Variants in RBFOX1 observed in about 807,000 individuals in gnomAD.
RBFOX1 encodes the protein RNA binding fox-1 homolog 1.
In RBFOX1, 8 loss-of-function variants were observed where a neutral mutation model predicts 57.7. The observed-to-expected ratio is 0.14, with a 90% CI of 0.08 to 0.25. The LOEUF is 0.25. Ranked by LOEUF, RBFOX1 falls within the 10% of genes least tolerant of loss-of-function variation. The pLI, the probability that RBFOX1 is intolerant of heterozygous loss-of-function variation, is 1.00. For missense variants in RBFOX1, 611 were observed against 548.5 expected, an observed-to-expected ratio of 1.11 and a Z score of -1.14; for synonymous variants, 326 against 222.4, an observed-to-expected ratio of 1.47 and a Z score of -4.15.
chr16:7,184,537 A>G (rs764826580), intron 4 of RBFOX1, among the ~76,000 whole-genome samples: 1 of 152,202 alleles, frequency 6.6e-6, no homozygotes, highest in African/African-American at 2.4e-5. Context: ...TAGCCAAGTG[A>G]TTGAAGTATG....
intron 1 of RBFOX1, among the ~76,000 whole-genome samples, chr16:6,182,470 GT>G (rs1235833950): frequency 6.6e-6 from 1 of 152,062 alleles, no homozygotes; most frequent in African/African-American, 2.4e-5. Context: ...ATATGCATTT[GT>G]TTTTTATTGT....
intron 3 of RBFOX1, among the ~76,000 whole-genome samples, chr16:6,671,228 T>C (rs1190959036): frequency 6.6e-6 from 1 of 152,222 alleles, no homozygotes; most frequent in East Asian, 1.9e-4. Flanking sequence ...ACAACCTAAA[T>C]GCTTAATCTT....
chr16:6,233,350 C>T (rs563736377), intron 1 of RBFOX1, among the ~76,000 whole-genome samples: 1 of 152,068 alleles, frequency 6.6e-6, no homozygotes. Flanking sequence ...TAGCACCATC[C>T]TGATCCAAAC....
chr16:5,470,326 C>A (rs1001846421), intron 2 of RBFOX1, among the ~76,000 whole-genome samples: 1 of 152,210 alleles, frequency 6.6e-6, no homozygotes, highest in Admixed American at 6.5e-5. Flanking sequence ...CTAGAGGGAC[C>A]AAATGTGTCT....
chr16:6,393,989 G>A (rs1433185458), intron 2 of RBFOX1, among the ~76,000 whole-genome samples: 5 of 152,138 alleles, frequency 3.3e-5, no homozygotes, highest in Non-Finnish European at 7.3e-5. Flanking sequence ...CTTGGAAGGC[G>A]TTTTCATTTT....
chr16:6,830,051 G>A (rs138167320), intron 3 of RBFOX1, among the ~76,000 whole-genome samples: 1 of 152,014 alleles, frequency 6.6e-6, no homozygotes, highest in African/African-American at 2.4e-5. Context: ...CAAGTAACTA[G>A]GATTACAGGC....
chr16:6,444,571 C>G (rs550345004), intron 2 of RBFOX1, among the ~76,000 whole-genome samples: 3 of 152,256 alleles, frequency 2.0e-5, no homozygotes, highest in Admixed American at 1.3e-4. Context: ...ACTTATTCCT[C>G]TTTGCCTTCT....
At chr16:7,034,329 G>A (rs1024333234) in intron 3 of RBFOX1, among the ~76,000 whole-genome samples, 2 of 152,174 alleles carry the variant, frequency 1.3e-5, no homozygotes, top group Non-Finnish European at 2.9e-5. Flanking sequence ...AAGGCAGAAA[G>A]CTAGATCATG....
At chr16:5,406,590 C>A (rs149207800) in intron 1 of RBFOX1, among the ~76,000 whole-genome samples, 3,370 of 151,746 alleles carry the variant, frequency 0.022, 56 homozygotes, top group African/African-American at 0.043. Context: ...CTCTCTCTCT[C>A]TATATATATG....
chr16:6,556,556 G>A (rs1203331357), intron 2 of RBFOX1, among the ~76,000 whole-genome samples: 2 of 152,138 alleles, frequency 1.3e-5, no homozygotes, highest in Admixed American at 1.3e-4. Flanking sequence ...CATTCACTGG[G>A]TATTCCATTA....
chr16:7,473,737 C>T (rs138351440), intron 4 of RBFOX1, among the ~76,000 whole-genome samples: 14 of 152,044 alleles, frequency 9.2e-5, no homozygotes, highest in African/African-American at 3.1e-4. Context: ...TAGTATGCTC[C>T]CTCCCCAACC....
intron 3 of RBFOX1, among the ~76,000 whole-genome samples, chr16:6,813,311 C>T (rs78568508): frequency 0.013 from 2,017 of 152,282 alleles, 39 homozygotes; most frequent in African/African-American, 0.046. Flanking sequence ...CAACCCTCTT[C>T]GTTTCTAGCC....
At chr16:6,406,777 G>A (rs931961018) in intron 2 of RBFOX1, among the ~76,000 whole-genome samples, 2 of 152,108 alleles carry the variant, frequency 1.3e-5, no homozygotes, top group Non-Finnish European at 2.9e-5. Flanking sequence ...GTTATGTGGA[G>A]GCTACCTGGG....
At chr16:6,880,330 T>G (rs931493976) in intron 3 of RBFOX1, among the ~76,000 whole-genome samples, 3 of 152,194 alleles carry the variant, frequency 2.0e-5, no homozygotes, top group Non-Finnish European at 4.4e-5. Flanking sequence ...CAGCCTCTGT[T>G]GTTCCTGACC....
intron 2 of RBFOX1, among the ~76,000 whole-genome samples, chr16:6,522,709 G>A (rs2096525119): frequency 6.6e-6 from 1 of 152,098 alleles, no homozygotes; most frequent in South Asian, 2.1e-4. Flanking sequence ...TGAACCATAA[G>A]AAGGGATATT....
chr16:6,685,442 A>ATTTTTTTT (rs71145275), intron 3 of RBFOX1, among the ~76,000 whole-genome samples: 2 of 125,672 alleles, frequency 1.6e-5, no homozygotes, highest in Non-Finnish European at 1.6e-5. Flanking sequence ...TACCCAGCTA[A>ATTTTTTTT]TTTTTTTTTT....
At chr16:6,701,545 G>C (rs2061853243) in intron 3 of RBFOX1, among the ~76,000 whole-genome samples, 1 of 152,188 alleles carries the variant, frequency 6.6e-6, no homozygotes, top group Non-Finnish European at 1.5e-5. Context: ...GCCTCAGGAA[G>C]CTTCTATTTC....
chr16:5,630,312 C>T (rs916133681), intron 3 of RBFOX1, among the ~76,000 whole-genome samples: 1 of 152,018 alleles, frequency 6.6e-6, no homozygotes, highest in Non-Finnish European at 1.5e-5. Context: ...CAAAAATTAG[C>T]CAGGCATTGT....
At chr16:7,384,212 A>G (rs2097840085) in intron 4 of RBFOX1, among the ~76,000 whole-genome samples, 1 of 151,562 alleles carries the variant, frequency 6.6e-6, no homozygotes, top group South Asian at 2.1e-4. Context: ...TATGAAACAT[A>G]TATGAAATAT....
Sources: gnomAD v4.1 joint callset for allele counts (sites outside exome capture counted in the v4.1 genomes callset) on GRCh38, gnomAD v4.1.1 for gene constraint, MANE v1.5 for transcripts, NCBI Gene and HGNC (gene_info 2026-07-23, HGNC 2026-07-21) for gene names.